Variants in SEC22C observed in about 807,000 individuals in gnomAD.
SEC22C encodes SEC22 homolog C, vesicle trafficking protein, also known as vesicle-trafficking protein SEC22c.
SEC22C carries 29 observed loss-of-function variants against 34.7 expected under a neutral mutation model. The ratio of observed to expected loss-of-function variants is 0.84; its 90% confidence interval spans 0.62 to 1.14. The LOEUF is 1.14. SEC22C is among the 50% of genes most tolerant of loss of function. The pLI is 0.00. For missense variants in SEC22C, 337 were observed against 369.0 expected (o/e 0.91, Z 0.71); for synonymous variants, 117 against 132.8 (o/e 0.88, Z 0.82).
At chr3:42,560,001 C>T (rs940228983) in intron 4 of SEC22C, among the ~76,000 whole-genome samples, 1 of 151,532 alleles carries the variant, frequency 6.6e-6, no homozygotes, top group Non-Finnish European at 1.5e-5. Context: ...TGGCTCCAGC[C>T]CCCTGTCCAA....
At chr3:42,594,622 C>T (rs955186503) in intron 1 of SEC22C, 1 of 862,830 alleles carries the variant, frequency 1.2e-6, no homozygotes. Context: ...CTGGTTAAAA[C>T]ATGAATGAAA....
At chr3:42,577,213 T>C (rs1399611746) in intron 1 of SEC22C, among the ~76,000 whole-genome samples, 2 of 152,114 alleles carry the variant, frequency 1.3e-5, no homozygotes, top group Non-Finnish European at 2.9e-5. Flanking sequence ...AGCTCTTAGA[T>C]ATGACACCAA....
chr3:42,563,837 G>A (rs748542540), intron 2 of SEC22C, 151 bp from the exon 3 acceptor site: 91 of 1,521,974 alleles, frequency 6.0e-5, no homozygotes, highest in Non-Finnish European at 7.1e-5. Context: ...TCTTCAGTTC[G>A]ACCTATTCCT....
intron 5 of SEC22C, among the ~76,000 whole-genome samples, chr3:42,556,426 T>C (rs1157071656): frequency 6.6e-6 from 1 of 152,230 alleles, no homozygotes; most frequent in Non-Finnish European, 1.5e-5. Flanking sequence ...TTCTAATGTA[T>C]ACAAACAAAC....
intron 1 of SEC22C, among the ~76,000 whole-genome samples, chr3:42,571,154 A>G (rs1703602453): frequency 6.6e-6 from 1 of 152,170 alleles, no homozygotes; most frequent in South Asian, 2.1e-4. Flanking sequence ...TCTTAAGCCA[A>G]TAAAAAAGAA....
intron 1 of SEC22C, among the ~76,000 whole-genome samples, chr3:42,578,086 G>GT (rs1426624692): frequency 6.6e-6 from 1 of 152,110 alleles, no homozygotes; most frequent in Non-Finnish European, 1.5e-5. Context: ...ATAAAAATTT[G>GT]TGTCTACACG....
chr3:42,557,451 T>C (rs1008171496), intron 5 of SEC22C, 127 bp downstream of exon 5: 9 of 463,404 alleles, frequency 1.9e-5, no homozygotes, highest in Non-Finnish European at 2.7e-5. Context: ...ATAAAATTTA[T>C]AATAAAATTC....
At chr3:42,573,567 C>T (rs1251341367) in intron 1 of SEC22C, 1 of 152,350 alleles carries the variant, frequency 6.6e-6, no homozygotes, top group Non-Finnish European at 1.5e-5. Flanking sequence ...GGTGCAGTGG[C>T]TTACATCTAT....
chr3:42,549,929 G>A lies in SEC22C; in HGVS notation c.*3319C>T, dbSNP rs907467226. ...GGTCACATGCCTCCAGCTGCAGGCA[G>A]TGGGGCCTCTGGTACTGAGAGGGAA... On this transcript the variant is annotated 3_prime_UTR_variant, in exon 7 of 7. Coordinates refer to ENST00000264454, the MANE Select transcript of SEC22C (RefSeq NM_032970.4). The A allele has an allele frequency of 3.0e-6, 3 of 985,374 alleles. No homozygotes were observed. The African/African-American group carries it at 5.2e-5, about 17-fold the overall frequency. 61.0% of individuals were successfully genotyped at this position (985,374 alleles called of 1,614,324 possible).
chr3:42,568,779 G>A (rs1469763079), intron 2 of SEC22C, 86 bp downstream of exon 2: 19 of 1,085,482 alleles, frequency 1.8e-5, no homozygotes, highest in Non-Finnish European at 8.2e-6. Context: ...AATACACAAT[G>A]TGATCAGCAT....
chr3:42,592,195 T>A (rs1704874515), intron 1 of SEC22C, among the ~76,000 whole-genome samples: 1 of 152,160 alleles, frequency 6.6e-6, no homozygotes, highest in Non-Finnish European at 1.5e-5. Flanking sequence ...CGCCCATTTT[T>A]TTCTTTTCTT....
chr3:42,582,036 A>T (rs1026021808), upstream of SEC22C: 4 of 152,206 alleles, frequency 2.6e-5, no homozygotes, highest in African/African-American at 9.7e-5. Context: ...GCTAAGCGAC[A>T]CCCGCACCCA....
intron 1 of SEC22C, among the ~76,000 whole-genome samples, chr3:42,590,242 G>A (rs1459401995): frequency 6.6e-6 from 1 of 152,236 alleles, no homozygotes; most frequent in Non-Finnish European, 1.5e-5. Flanking sequence ...CATAGCCAAT[G>A]TTCATGCTCC....
In SEC22C at chr3:42,552,594, AC is replaced by A. The variant is rs1196701605; in HGVS notation, c.*653del. On this transcript the variant is annotated 3_prime_UTR_variant, in exon 7 of 7. Transcript: ENST00000264454. ...AACAGTCCCACCACTATAAAAGGTT[AC>A]ATATAAATTAAATAAACTCAGATTT... 1.0e-6 allele frequency: 1 copy of A among 981,826 alleles called. No homozygotes were observed. Among genetic ancestry groups the A allele is most frequent in the Non-Finnish European group, 1.2e-6 (1 of 826,768 alleles). 60.8% of individuals were successfully genotyped at this position (981,826 alleles called of 1,614,324 possible). A position where few individuals can be genotyped will look rare whatever the true frequency, so the allele number is the denominator to read the frequency against.
chr3:42,558,070 T>C (rs1577301354), intron 4 of SEC22C, among the ~76,000 whole-genome samples: 1 of 152,232 alleles, frequency 6.6e-6, no homozygotes, highest in East Asian at 1.9e-4. Flanking sequence ...GACAGGCTGC[T>C]ACTGGCATCT....
Position 42,550,073 on chromosome 3 carries a change from A to G in SEC22C, c.*3175T>C. The G allele has an allele frequency of 1.0e-6, 1 of 985,456 alleles. No homozygotes were observed. The highest frequency in any genetic ancestry group is 1.2e-6 in the Non-Finnish European group (1 of 829,952). The allele number at this position is 985,456 out of a possible 1,614,324, so 61.0% of individuals were successfully genotyped here. On this transcript the variant is annotated 3_prime_UTR_variant, in exon 7 of 7. Transcript: ENST00000264454. Reference sequence around the variant, plus strand: ...AGATTTACATGTTTCGTTCATTAGCATATTAGGGAAGGGGAAACCTTTTGG... The same window carrying G: ...AGATTTACATGTTTCGTTCATTAGCGTATTAGGGAAGGGGAAACCTTTTGG...
In SEC22C at chr3:42,552,662, G is replaced by C; in HGVS notation, c.*586C>G. On this transcript the variant is annotated 3_prime_UTR_variant, in exon 7 of 7. Coordinates refer to ENST00000264454, the MANE Select transcript of SEC22C (RefSeq NM_032970.4). The stretch of plus-strand genomic sequence containing the variant: ...GCTTAAGTTTGCCCTCACCCTAAAT[G>C]AAGTCCAATTTATATCCAAAATATA... 3.0e-6 allele frequency: 3 copies of C among 983,614 alleles called. No individual in the cohort carries two copies. The highest frequency in any genetic ancestry group is 3.6e-6 in the Non-Finnish European group (3 of 828,386). 60.9% of individuals were successfully genotyped at this position (983,614 alleles called of 1,614,324 possible). A position where few individuals can be genotyped will look rare whatever the true frequency, so the allele number is the denominator to read the frequency against.
chr3:42,588,402 A>G (rs1218049001), intron 1 of SEC22C, among the ~76,000 whole-genome samples: 2 of 152,132 alleles, frequency 1.3e-5, no homozygotes, highest in African/African-American at 2.4e-5. Context: ...AAGACTTTGT[A>G]TCAAAAAACA....
Position 42,549,012 on chromosome 3 carries a change from G to T in SEC22C, c.*4236C>A. On this transcript the variant is annotated 3_prime_UTR_variant, in exon 7 of 7. Coordinates refer to ENST00000264454, the MANE Select transcript of SEC22C (RefSeq NM_032970.4). ...AGATGAGGAAACTGAGGCCTGATGGGCAGTGATTTGTGCACTGCGACATAG... is the reference window on the plus strand; with the variant it reads ...AGATGAGGAAACTGAGGCCTGATGGTCAGTGATTTGTGCACTGCGACATAG... 9.8e-7 allele frequency: 1 copy of T among 1,021,438 alleles called. No homozygotes were observed. Among genetic ancestry groups the T allele is most frequent in the Non-Finnish European group, 1.2e-6 (1 of 837,642 alleles). The allele number at this position is 1,021,438 out of a possible 1,614,324, so 63.3% of individuals were successfully genotyped here.
Sources: allele counts gnomAD v4.1 joint callset (sites outside exome capture counted in the v4.1 genomes callset), GRCh38; gene constraint gnomAD v4.1.1; transcripts MANE v1.5; gene names NCBI Gene and HGNC (gene_info 2026-07-23, HGNC 2026-07-21).